Variants in HSPA4L observed in about 807,000 individuals in gnomAD.
HSPA4L encodes heat shock protein family A (Hsp70) member 4 like.
A neutral mutation model predicts 100.3 loss-of-function variants in HSPA4L; 48 were observed. The observed-to-expected ratio is 0.48, with a 90% CI of 0.38 to 0.61. The LOEUF (loss-of-function observed/expected upper bound fraction) is 0.61, where lower values mean the gene tolerates loss of function less well. Ranked by LOEUF, HSPA4L falls within the 20% of genes least tolerant of loss-of-function variation. HSPA4L has a pLI of 0.00. For missense variants in HSPA4L, 886 were observed against 988.6 expected, an observed-to-expected ratio of 0.90 and a Z score of 1.39; for synonymous variants, 319 against 328.2, an observed-to-expected ratio of 0.97 and a Z score of 0.30.
At position 127,827,474 on chromosome 4, in the gene HSPA4L, T is replaced by C. The variant is rs1224069741; in HGVS notation, c.2166+50T>C. 4 of 1,602,778 alleles carry C rather than the reference T, an allele frequency of 2.5e-6. No individual in the cohort carries two copies. In the African/African-American group the frequency reaches 4.0e-5, roughly 16 times the overall value. On this transcript the variant is annotated intron_variant, in intron 17 of 18. Transcript: ENST00000296464. The stretch of plus-strand genomic sequence containing the variant: ...GTGACGATGGCATGTGCATGGTACA[T>C]AGAATGGGGCAAATCTAAAAGTTCT...
chr4:127,785,540 C>T (rs1386363199), intron 1 of HSPA4L, among the ~76,000 whole-genome samples: 2 of 151,976 alleles, frequency 1.3e-5, no homozygotes, highest in South Asian at 2.1e-4. Context: ...TGGGTTCAAG[C>T]GATTCTCCTG....
intron 18 of HSPA4L, among the ~76,000 whole-genome samples, chr4:127,831,562 A>G (rs1009145103): frequency 1.3e-5 from 2 of 151,838 alleles, no homozygotes; most frequent in Non-Finnish European, 2.9e-5. Flanking sequence ...AAACTAGATC[A>G]ATAAGTTGAT....
At chr4:127,805,315 C>T in intron 9 of HSPA4L, 91 bp downstream of exon 9, 1 of 911,022 alleles carries the variant, frequency 1.1e-6, no homozygotes, top group Non-Finnish European at 1.6e-6. Context: ...CTGTTCCATC[C>T]ACTTATCAAT....
At position 127,837,643 on chromosome 4, in the gene HSPA4L, G is replaced by A. The variant is rs1734244641; in HGVS notation, c.*4769G>A. On this transcript the variant is annotated 3_prime_UTR_variant, in exon 19 of 19. Transcript: ENST00000296464. ...CAACATTTGATTTAATCTAAAGCAA[G>A]AATATAAAATAATTTTAAGAAGCAT... The A allele has an allele frequency of 2.0e-5, 3 of 152,038 alleles. 1 individual carries two copies. Among genetic ancestry groups the A allele is most frequent in the Admixed American group, 2.0e-4 (3 of 15,268 alleles). The allele number at this position is 152,038 out of a possible 1,614,324, so 9.4% of individuals were successfully genotyped here.
At chr4:127,782,201 A>C, upstream of HSPA4L, 1 of 400,374 alleles carries the variant, frequency 2.5e-6, no homozygotes, top group Non-Finnish European at 5.0e-6. Flanking sequence ...TGCTGACGGA[A>C]GCGGCCGAAG....
intron 1 of HSPA4L, among the ~76,000 whole-genome samples, chr4:127,783,364 G>A (rs936243206): frequency 6.6e-6 from 1 of 152,080 alleles, no homozygotes; most frequent in South Asian, 2.1e-4. Flanking sequence ...GCTGGAATGC[G>A]GCGGGGTTGG....
rs1734311061 is a variant in HSPA4L, at chr4:127,839,436, A to AAAT, written c.*6563_*6565dup. The AAAT allele has an allele frequency of 6.6e-6, 1 of 152,192 alleles. No homozygotes were observed. The highest frequency in any genetic ancestry group is 2.1e-4 in the South Asian group (1 of 4,804). The allele number at this position is 152,192 out of a possible 1,614,324, so 9.4% of individuals were successfully genotyped here. On this transcript the variant is annotated 3_prime_UTR_variant, in exon 19 of 19. Coordinates refer to ENST00000296464, the MANE Select transcript of HSPA4L (RefSeq NM_014278.4). ...ACCCCGTCTCTACTAAAAATACAAA[A>AAAT]AATTAGCTGGGTGTGGTGGTGTGTG...
At chr4:127,784,527 A>T (rs1281416396) in intron 1 of HSPA4L, among the ~76,000 whole-genome samples, 3 of 152,246 alleles carry the variant, frequency 2.0e-5, no homozygotes, top group Admixed American at 1.3e-4. Context: ...TAATATCTAG[A>T]TTTAATGAGC....
At chr4:127,795,637 A>C in intron 2 of HSPA4L, 131 bp from the exon 3 acceptor site, 2 of 856,710 alleles carry the variant, frequency 2.3e-6, no homozygotes, top group Non-Finnish European at 3.6e-6. Context: ...ACCAGAAAAA[A>C]TGAATGATTA....
intron 17 of HSPA4L, 38 bp downstream of exon 17, chr4:127,827,462 G>C: frequency 6.2e-7 from 1 of 1,610,706 alleles, no homozygotes; most frequent in Non-Finnish European, 8.5e-7. Flanking sequence ...ACGATGGCAT[G>C]TGCATGGTAC....
intron 17 of HSPA4L, among the ~76,000 whole-genome samples, chr4:127,828,406 T>C (rs1432438977): frequency 6.6e-6 from 1 of 152,046 alleles, no homozygotes; most frequent in African/African-American, 2.4e-5. Flanking sequence ...CCAGGATATA[T>C]CCTATACAAA....
intron 1 of HSPA4L, among the ~76,000 whole-genome samples, chr4:127,789,512 G>A (rs1732811873): frequency 6.6e-6 from 1 of 152,098 alleles, no homozygotes; most frequent in African/African-American, 2.4e-5. Flanking sequence ...GCCGGGCATG[G>A]TGGCGGGTGC....
At chr4:127,811,778 CTT>C (rs1333132012) in intron 12 of HSPA4L, 142 bp downstream of exon 12, 5 of 625,264 alleles carry the variant, frequency 8.0e-6, no homozygotes, top group African/African-American at 3.7e-5. Flanking sequence ...TGTATAAAGT[CTT>C]TTGATAAAAG....
chr4:127,783,712 AT>A, intron 1 of HSPA4L: 1 of 1,516,162 alleles, frequency 6.6e-7, no homozygotes, highest in African/African-American at 1.4e-5. Flanking sequence ...ACCGTTCTGA[AT>A]GGTCCAAAAT....
chr4:127,822,487 G>T (rs1291330792), intron 14 of HSPA4L, among the ~76,000 whole-genome samples: 2 of 152,082 alleles, frequency 1.3e-5, no homozygotes, highest in African/African-American at 4.8e-5. Flanking sequence ...ACAAATATCT[G>T]TTCAAGTCTC....
intron 4 of HSPA4L, among the ~76,000 whole-genome samples, chr4:127,799,964 A>G (rs1367116263): frequency 2.0e-5 from 3 of 152,212 alleles, no homozygotes; most frequent in African/African-American, 7.2e-5. Flanking sequence ...TTCTAAATTC[A>G]TAAAACAATA....
intron 3 of HSPA4L, 111 bp from the exon 4 acceptor site, chr4:127,798,476 C>A: frequency 9.9e-7 from 1 of 1,011,190 alleles, no homozygotes; most frequent in Non-Finnish European, 1.5e-6. Flanking sequence ...CTTCCTTGAG[C>A]AAGGGTGTCT....
At chr4:127,801,108 T>C (rs1220460004) in intron 4 of HSPA4L, 30 bp from the exon 5 acceptor site, 4 of 1,496,490 alleles carry the variant, frequency 2.7e-6, no homozygotes, top group African/African-American at 1.4e-5. Context: ...ACATAAAACA[T>C]TATACTTAAC....
intron 13 of HSPA4L, 53 bp from the exon 14 acceptor site, chr4:127,820,375 A>C (rs936268840): frequency 8.1e-6 from 12 of 1,480,200 alleles, no homozygotes; most frequent in Non-Finnish European, 1.1e-5. Context: ...TTACCTCTTA[A>C]ATCTATTTTT....
Sources: allele counts gnomAD v4.1 joint callset (sites outside exome capture counted in the v4.1 genomes callset), GRCh38; gene constraint gnomAD v4.1.1; transcripts MANE v1.5; gene names NCBI Gene and HGNC (gene_info 2026-07-23, HGNC 2026-07-21).